The following DCLK1 variants were observed in gnomAD, a reference collection of about 807,000 sequenced individuals.
The protein encoded by DCLK1 is doublecortin like kinase 1.
In DCLK1, 16 loss-of-function variants were observed where a neutral mutation model predicts 86.2. The ratio of observed to expected loss-of-function variants is 0.19; its 90% CI spans 0.13 to 0.28. The LOEUF is 0.28. Among genes scored for constraint, DCLK1 ranks in the 10% least tolerant of loss-of-function variants. The pLI is 1.00. For missense variants in DCLK1, 590 were observed against 940.2 expected (o/e 0.63, Z 4.87); for synonymous variants, 369 against 370.5 (o/e 1.00, Z 0.05).
intron 16 of DCLK1, among the ~76,000 whole-genome samples, chr13:35,784,756 TCTCA>T (rs2086588792): frequency 6.6e-6 from 1 of 152,026 alleles, no homozygotes; most frequent in Non-Finnish European, 1.5e-5. Flanking sequence ...GGGACAGCGT[TCTCA>T]CTCTGCAGAG....
intron 11 of DCLK1, among the ~76,000 whole-genome samples, chr13:35,819,404 A>G (rs899078889): frequency 3.3e-5 from 5 of 152,216 alleles, no homozygotes; most frequent in Non-Finnish European, 7.3e-5. Flanking sequence ...TTCTATAAGA[A>G]TTAAAAATAA....
intron 3 of DCLK1, among the ~76,000 whole-genome samples, chr13:35,957,930 T>TCACCACCACCAC (rs1878094869): frequency 9.0e-5 from 1 of 11,086 alleles, no homozygotes; most frequent in African/African-American, 3.6e-4. Context: ...GCTATAACCA[T>TCACCACCACCAC]CACCACTACC....
chr13:35,881,125 C>T (rs1435216877), intron 4 of DCLK1, among the ~76,000 whole-genome samples: 1 of 152,164 alleles, frequency 6.6e-6, no homozygotes, highest in Non-Finnish European at 1.5e-5. Flanking sequence ...TCTATGACAG[C>T]CTACCAGAAG....
At chr13:35,896,538 C>CAAAAAAA (rs10675684) in intron 4 of DCLK1, among the ~76,000 whole-genome samples, 1 of 42,576 alleles carries the variant, frequency 2.3e-5, no homozygotes, top group Non-Finnish European at 3.9e-5. Context: ...AATTCCACCT[C>CAAAAAAA]AAAAAAAAAA....
chr13:35,960,717 A>C (rs1434577771), intron 3 of DCLK1, among the ~76,000 whole-genome samples: 1 of 152,194 alleles, frequency 6.6e-6, no homozygotes, highest in African/African-American at 2.4e-5. Context: ...TCAGCCTCTC[A>C]AAGTGCTGGG....
chr13:35,858,397 T>C (rs1871199460), intron 5 of DCLK1, among the ~76,000 whole-genome samples: 1 of 152,206 alleles, frequency 6.6e-6, no homozygotes, highest in Non-Finnish European at 1.5e-5. Context: ...TGTAAGTTGG[T>C]GCAATGTTTT....
intron 3 of DCLK1, among the ~76,000 whole-genome samples, chr13:36,057,786 G>A (rs549853362): frequency 6.6e-6 from 1 of 152,112 alleles, no homozygotes; most frequent in African/African-American, 2.4e-5. Flanking sequence ...TCAAAGCTCT[G>A]TATTCAGGCT....
At chr13:35,995,350 C>T (rs1055917734) in intron 3 of DCLK1, among the ~76,000 whole-genome samples, 3 of 152,046 alleles carry the variant, frequency 2.0e-5, no homozygotes, top group Admixed American at 6.6e-5. Context: ...TAATTCTATC[C>T]GTTTTCAATA....
intron 4 of DCLK1, among the ~76,000 whole-genome samples, chr13:35,884,109 C>G (rs919676442): frequency 6.6e-6 from 1 of 152,098 alleles, no homozygotes; most frequent in Non-Finnish European, 1.5e-5. Flanking sequence ...ACAGACCAGA[C>G]AGCTCTTGCC....
chr13:35,854,500 C>T lies in DCLK1; in HGVS notation c.1034G>A (p.Arg345Lys), dbSNP rs771970920. 4 of 1,598,568 alleles carry T rather than the reference C, an allele frequency of 2.5e-6. No homozygotes were observed. Among genetic ancestry groups the T allele is most frequent in the Admixed American group, 1.7e-5 (1 of 58,464 alleles). Reference protein sequence around the residue: ...PTSPGSLRKQRSSQHGGSSTS... With the variant: ...PTSPGSLRKQKSSQHGGSSTS... Reference sequence around the variant, plus strand: ...CAAGCAGCTTGCTTATTTCCTTACCCTCTGCTTCCGCAGGCTTCCTGGGCT... The same window carrying T: ...CAAGCAGCTTGCTTATTTCCTTACCTTCTGCTTCCGCAGGCTTCCTGGGCT... The change falls in exon 6 of 17, where the codon AGG (arginine) becomes AAG (lysine). Residue 345 changes from arginine (R) to lysine (K), a missense_variant and splice_region_variant. By Grantham distance (26) the Arg-to-Lys change is conservative (BLOSUM62 2). Coordinates refer to ENST00000360631, the MANE Select transcript of DCLK1 (RefSeq NM_001330071.2).
chr13:36,125,191 A>G (rs1284733489), intron 2 of DCLK1, among the ~76,000 whole-genome samples: 1 of 152,212 alleles, frequency 6.6e-6, no homozygotes, highest in Non-Finnish European at 1.5e-5. Context: ...TAATCCTTTA[A>G]ACTCAAAAGG....
intron 4 of DCLK1, among the ~76,000 whole-genome samples, chr13:35,935,342 G>C (rs530025944): frequency 3.6e-4 from 55 of 152,276 alleles, no homozygotes; most frequent in African/African-American, 1.3e-3. Flanking sequence ...ACATGGTGTG[G>C]AGAGATGAAA....
At chr13:35,820,008 T>C (rs1338689072) in intron 11 of DCLK1, among the ~76,000 whole-genome samples, 1 of 152,208 alleles carries the variant, frequency 6.6e-6, no homozygotes. Context: ...CCGCTTGGTT[T>C]TGAACTTTTG....
In DCLK1 at chr13:35,778,496, C is replaced by G. The variant is rs1305252681; in HGVS notation, c.2059-3797G>C. On this transcript the variant is annotated intron_variant, in intron 16 of 16. Coordinates refer to ENST00000360631, the MANE Select transcript of DCLK1 (RefSeq NM_001330071.2). The stretch of plus-strand genomic sequence containing the variant: ...GATGAAGTTGACCCTACTCCTATCT[C>G]TGGGAGTAGGGTTGGGGTGGGCTTG... 3.3e-5 allele frequency among the ~76,000 whole-genome samples: 5 copies of G among 152,296 alleles called. No homozygotes were observed. The East Asian group carries it at 9.7e-4, about 29-fold the overall frequency.
At chr13:35,853,918 C>T (rs549371157) in intron 6 of DCLK1, among the ~76,000 whole-genome samples, 2 of 152,216 alleles carry the variant, frequency 1.3e-5, no homozygotes, top group Admixed American at 1.3e-4. Context: ...CCCTCACCCT[C>T]TTCCTTAGGG....
chr13:35,868,622 T>C (rs1872031175), intron 5 of DCLK1, among the ~76,000 whole-genome samples: 1 of 152,190 alleles, frequency 6.6e-6, no homozygotes, highest in African/African-American at 2.4e-5. Context: ...AATTCATTAA[T>C]ATACTAATTG....
intron 4 of DCLK1, among the ~76,000 whole-genome samples, chr13:35,890,463 T>C (rs1593703848): frequency 6.6e-6 from 1 of 152,230 alleles, no homozygotes; most frequent in Non-Finnish European, 1.5e-5. Context: ...TAAATGGATA[T>C]ATAGTAATTT....
intron 3 of DCLK1, among the ~76,000 whole-genome samples, chr13:35,966,917 G>A (rs996257492): frequency 1.1e-4 from 17 of 152,140 alleles, no homozygotes; most frequent in African/African-American, 3.4e-4. Context: ...GCCTCTGCCC[G>A]GCCGCCACCC....
chr13:35,820,828 G>C lies in DCLK1; in HGVS notation c.1554+1901C>G, dbSNP rs561963676. 6.6e-4 allele frequency among the ~76,000 whole-genome samples: 101 copies of C among 152,290 alleles called. 1 individual carries two copies. Among genetic ancestry groups the C allele is most frequent in the Middle Eastern group, 3.4e-3 (1 of 294 alleles). On this transcript the variant is annotated intron_variant, in intron 11 of 16. Transcript: ENST00000360631. ...AGGAATTTAAGGTGCAATTAAGTCA[G>C]GGCTCAGTCACTTGACCTCAGCTGC...
Sources: gnomAD v4.1 joint callset for allele counts (sites outside exome capture counted in the v4.1 genomes callset) on GRCh38, gnomAD v4.1.1 for gene constraint, MANE v1.5 for transcripts, NCBI Gene and HGNC (gene_info 2026-07-23, HGNC 2026-07-21) for gene names.